Variants in BMP7 observed in about 807,000 individuals in gnomAD.
The protein encoded by BMP7 is bone morphogenetic protein 7.
BMP7 carries 12 observed loss-of-function variants against 41.2 expected under a neutral mutation model. The ratio of observed to expected loss-of-function variants is 0.29; its 90% CI spans 0.19 to 0.47. The LOEUF (loss-of-function observed/expected upper bound fraction) is 0.47. Among genes scored for constraint, BMP7 ranks in the 20% least tolerant of loss-of-function variants. BMP7 has a pLI of 0.99. For synonymous variants in BMP7, 248 were observed against 250.0 expected (o/e 0.99, Z 0.07); for missense variants, 467 against 606.0 (o/e 0.77, Z 2.41).
intron 1 of BMP7, among the ~76,000 whole-genome samples, chr20:57,252,844 C>T (rs2066119407): frequency 6.6e-6 from 1 of 152,200 alleles, no homozygotes; most frequent in Non-Finnish European, 1.5e-5. Flanking sequence ...ACCAGTGGTT[C>T]TCAACTGGGG....
intron 1 of BMP7, among the ~76,000 whole-genome samples, chr20:57,250,019 C>T (rs903522175): frequency 5.3e-5 from 8 of 152,196 alleles, no homozygotes; most frequent in Non-Finnish European, 1.2e-4. Context: ...GACAGACTTG[C>T]CATCCCCAAA....
At chr20:57,247,967 T>C (rs555062997) in intron 1 of BMP7, among the ~76,000 whole-genome samples, 4 of 152,304 alleles carry the variant, frequency 2.6e-5, no homozygotes, top group African/African-American at 9.6e-5. Flanking sequence ...CAACTGGCTG[T>C]TGGCTAGAGT....
chr20:57,190,753 C>T (rs1274724359), intron 3 of BMP7, among the ~76,000 whole-genome samples: 1 of 152,176 alleles, frequency 6.6e-6, no homozygotes, highest in Non-Finnish European at 1.5e-5. Context: ...CTACCCTCCT[C>T]CTCCAACAAG....
At chr20:57,211,663 T>A (rs752253749) in intron 2 of BMP7, among the ~76,000 whole-genome samples, 20 of 152,048 alleles carry the variant, frequency 1.3e-4, no homozygotes, top group Non-Finnish European at 2.2e-4. Context: ...AGGGTCCTGA[T>A]AACAGGGGAG....
chr20:57,226,541 G>A (rs372657099), intron 2 of BMP7, among the ~76,000 whole-genome samples: 6 of 152,362 alleles, frequency 3.9e-5, no homozygotes, highest in South Asian at 2.1e-4. Context: ...AACCCAAGCC[G>A]TGGAACAGTG....
In BMP7 at chr20:57,228,254, G is replaced by C. The variant is rs769721400; in HGVS notation, c.586C>G (p.Gln196Glu). Residue 196 changes from glutamine to glutamate, a missense_variant, in exon 2 of 7, where the codon CAG becomes GAG. By Grantham distance (29) the Gln-to-Glu change is conservative. This residue lies in a region of BMP7 where 407 missense variants were observed against 485.9 expected (regional missense o/e 0.84). Transcript: ENST00000395863. The surrounding 1 kb of genome is among the most constrained non-coding windows in gnomAD (Gnocchi z 4.5). Reference sequence around the variant, plus strand: ...CTGCCCAAGTGCTCCTGGAGCACCTGATAAACGCTGATCCGGAACGTCTCA... The same window carrying C: ...CTGCCCAAGTGCTCCTGGAGCACCTCATAAACGCTGATCCGGAACGTCTCA... ...DNETFRISVYQVLQEHLGRES... is the reference protein window; with the variant it reads ...DNETFRISVYEVLQEHLGRES... 8 of 1,613,892 alleles carry C rather than the reference G, an allele frequency of 5.0e-6. No individual in the cohort carries two copies. Among genetic ancestry groups the C allele is most frequent in the Middle Eastern group, 1.7e-4 (1 of 5,852 alleles).
At chr20:57,177,639 CA>C (rs1983963211) in intron 4 of BMP7, 1 of 152,230 alleles carries the variant, frequency 6.6e-6, no homozygotes, top group South Asian at 2.1e-4. Context: ...TCTATTTATA[CA>C]GATATAAAAT....
intron 2 of BMP7, 92 bp from the exon 3 acceptor site, chr20:57,202,715 G>GT: frequency 1.5e-5 from 11 of 717,182 alleles, no homozygotes; most frequent in Middle Eastern, 2.8e-4. Context: ...CATGGGGTGG[G>GT]AGGGGAGGGA....
At chr20:57,210,607 C>T (rs1984856810) in intron 2 of BMP7, among the ~76,000 whole-genome samples, 1 of 152,210 alleles carries the variant, frequency 6.6e-6, no homozygotes, top group African/African-American at 2.4e-5. Context: ...TGCCCCAGGG[C>T]AAAACAGAGC....
At chr20:57,218,934 G>A (rs1985111987) in intron 2 of BMP7, among the ~76,000 whole-genome samples, 1 of 151,446 alleles carries the variant, frequency 6.6e-6, no homozygotes, top group South Asian at 2.1e-4. Flanking sequence ...TTCAGTGGTA[G>A]CTGGTGTTGG....
chr20:57,240,574 A>G (rs886371376), intron 1 of BMP7, among the ~76,000 whole-genome samples: 1 of 152,134 alleles, frequency 6.6e-6, no homozygotes, highest in Non-Finnish European at 1.5e-5. Flanking sequence ...ACTGGTACCA[A>G]TTAATGTATT....
chr20:57,216,858 G>A (rs991072903), intron 2 of BMP7, among the ~76,000 whole-genome samples: 1 of 152,160 alleles, frequency 6.6e-6, no homozygotes. Flanking sequence ...CCAGACATGG[G>A]CTGGAGGAGA....
At chr20:57,190,147 G>A (rs942463775) in intron 3 of BMP7, among the ~76,000 whole-genome samples, 1 of 152,170 alleles carries the variant, frequency 6.6e-6, no homozygotes, top group Non-Finnish European at 1.5e-5. Context: ...AGGAACCGGA[G>A]GGGGTGAAGC....
At chr20:57,252,111 G>A (rs1216278476) in intron 1 of BMP7, among the ~76,000 whole-genome samples, 3 of 152,216 alleles carry the variant, frequency 2.0e-5, no homozygotes, top group Non-Finnish European at 4.4e-5. Flanking sequence ...CTGTCGCAGC[G>A]GCAGTAAAGC....
intron 2 of BMP7, among the ~76,000 whole-genome samples, chr20:57,225,061 A>G (rs1044343556): frequency 2.6e-5 from 4 of 152,186 alleles, no homozygotes; most frequent in Non-Finnish European, 5.9e-5. Context: ...AGCTGGCGGC[A>G]CAGAGACAGA....
intron 2 of BMP7, among the ~76,000 whole-genome samples, chr20:57,221,435 A>C (rs760721564): frequency 6.6e-6 from 1 of 152,200 alleles, no homozygotes; most frequent in Non-Finnish European, 1.5e-5. Context: ...CCAAGGAAGA[A>C]AAACATATGC....
intron 3 of BMP7, among the ~76,000 whole-genome samples, chr20:57,199,106 G>T (rs528481368): frequency 6.6e-6 from 1 of 152,146 alleles, no homozygotes; most frequent in Non-Finnish European, 1.5e-5. Flanking sequence ...TCAGTAAGAG[G>T]TCCCCAGGGT....
intron 2 of BMP7, among the ~76,000 whole-genome samples, chr20:57,204,192 C>T (rs1011030665): frequency 2.0e-5 from 3 of 152,150 alleles, no homozygotes; most frequent in African/African-American, 7.2e-5. Context: ...TGGAATGTAA[C>T]CCACTAAGCC....
intron 2 of BMP7, among the ~76,000 whole-genome samples, chr20:57,221,637 A>G (rs1324964107): frequency 2.0e-5 from 3 of 151,960 alleles, no homozygotes; most frequent in Non-Finnish European, 4.4e-5. Flanking sequence ...ACACAGTGAG[A>G]CCTCATCTCT....
Sources: gnomAD v4.1 joint callset for allele counts (sites outside exome capture counted in the v4.1 genomes callset) on GRCh38, gnomAD v4.1.1 for gene constraint, gnomAD v4.1.1 regional missense constraint, Gnocchi (gnomAD v3.1) non-coding constraint, MANE v1.5 for transcripts, NCBI Gene and HGNC (gene_info 2026-07-23, HGNC 2026-07-21) for gene names.